Variants in PRKG1 observed in about 807,000 individuals in gnomAD.
PRKG1 encodes cGMP-dependent protein kinase 1.
In PRKG1, 35 loss-of-function variants were observed where a neutral mutation model predicts 88.1. The observed-to-expected ratio is 0.40, with a 90% CI of 0.30 to 0.53. PRKG1 has a LOEUF of 0.53. Ranked by LOEUF, PRKG1 falls within the 20% of genes least tolerant of loss-of-function variation. The probability of loss-of-function intolerance (pLI) is 0.59; values close to 1 mark genes in which losing one functional copy is unlikely to be tolerated. For missense variants in PRKG1, 540 were observed against 839.8 expected (o/e 0.64, Z 4.41); for synonymous variants, 303 against 292.5 (o/e 1.04, Z -0.37).
At chr10:51,657,677 A>G (rs1279177665) in intron 3 of PRKG1, among the ~76,000 whole-genome samples, 2 of 152,096 alleles carry the variant, frequency 1.3e-5, no homozygotes, top group African/African-American at 2.4e-5. Flanking sequence ...GCATACCGTT[A>G]AGCAGTTTAT....
intron 2 of PRKG1, among the ~76,000 whole-genome samples, chr10:51,449,962 AAC>A (rs1839387562): frequency 1.3e-5 from 2 of 151,942 alleles, no homozygotes; most frequent in South Asian, 4.1e-4. Flanking sequence ...AAAATCTGGA[AAC>A]ACAGAAAAAG....
At chr10:52,111,860 C>G (rs1279839346) in intron 7 of PRKG1, among the ~76,000 whole-genome samples, 1 of 152,168 alleles carries the variant, frequency 6.6e-6, no homozygotes, top group East Asian at 1.9e-4. Flanking sequence ...TTCCTAAGTG[C>G]TCTTCCCATA....
At chr10:52,092,357 T>C (rs900296665) in intron 7 of PRKG1, among the ~76,000 whole-genome samples, 1 of 152,156 alleles carries the variant, frequency 6.6e-6, no homozygotes. Context: ...TAGGTTTCCG[T>C]GAGTACTAAA....
chr10:52,062,656 GT>G, intron 7 of PRKG1, 25 bp downstream of exon 7: 1 of 1,537,378 alleles, frequency 6.5e-7, no homozygotes, highest in Non-Finnish European at 8.9e-7. Flanking sequence ...TGTTATACAG[GT>G]TTTTGTTTGA....
chr10:52,168,145 A>G (rs1589667612), intron 9 of PRKG1, among the ~76,000 whole-genome samples: 1 of 152,226 alleles, frequency 6.6e-6, no homozygotes, highest in African/African-American at 2.4e-5. Flanking sequence ...AAAATAGATA[A>G]GTTTCTTGCC....
At chr10:51,933,295 G>GT (rs1227399559) in intron 5 of PRKG1, among the ~76,000 whole-genome samples, 4 of 152,036 alleles carry the variant, frequency 2.6e-5, no homozygotes, top group South Asian at 2.1e-4. Flanking sequence ...GAAATCCAGA[G>GT]TTTTTTTCAA....
intron 9 of PRKG1, among the ~76,000 whole-genome samples, chr10:52,199,088 C>T (rs11001160): frequency 0.1 from 1,513 of 14,450 alleles, 34 homozygotes; most frequent in East Asian, 0.41. Flanking sequence ...ACCATCCTTG[C>T]TCTTTCTTTT....
chr10:51,648,035 CACAT>C (rs543357148), intron 3 of PRKG1, among the ~76,000 whole-genome samples: 7 of 36,604 alleles, frequency 1.9e-4, no homozygotes, highest in African/African-American at 3.2e-4. Flanking sequence ...TTTCTGGTTA[CACAT>C]ACACACACAC....
intron 3 of PRKG1, among the ~76,000 whole-genome samples, chr10:51,790,338 G>C (rs1012517048): frequency 6.6e-6 from 1 of 152,012 alleles, no homozygotes; most frequent in Non-Finnish European, 1.5e-5. Flanking sequence ...TTATAAGATG[G>C]TAATACCATT....
chr10:51,617,033 G>T (rs1225234594), intron 3 of PRKG1, among the ~76,000 whole-genome samples: 2 of 152,114 alleles, frequency 1.3e-5, no homozygotes, highest in Non-Finnish European at 2.9e-5. Flanking sequence ...GGGAGTCTGT[G>T]GGACCCAGCA....
chr10:52,185,307 A>T (rs192030088), intron 9 of PRKG1, among the ~76,000 whole-genome samples: 1 of 152,360 alleles, frequency 6.6e-6, no homozygotes, highest in Non-Finnish European at 1.5e-5. Flanking sequence ...CAGGGCAGAC[A>T]TTAAACCTTA....
At chr10:52,171,786 ATTTTTTTTTTTTTT>A (rs545195374) in intron 9 of PRKG1, among the ~76,000 whole-genome samples, 1 of 93,860 alleles carries the variant, frequency 1.1e-5, no homozygotes, top group South Asian at 4.1e-4. Flanking sequence ...TTTTATCAAA[ATTTTTTTTTTTTTT>A]TTTTTTTTTT....
intron 5 of PRKG1, among the ~76,000 whole-genome samples, chr10:51,976,971 G>GT (rs751055642): frequency 3.3e-5 from 5 of 151,620 alleles, no homozygotes; most frequent in Admixed American, 1.3e-4. Flanking sequence ...ACAATGCTTT[G>GT]TTTTTTTACT....
intron 1 of PRKG1, among the ~76,000 whole-genome samples, chr10:50,997,575 A>G (rs756154927): frequency 1.2e-4 from 18 of 152,146 alleles, no homozygotes; most frequent in Non-Finnish European, 2.6e-4. Context: ...GTGATTTCAT[A>G]GTTGCTCAGG....
chr10:51,279,796 C>A (rs1014744625), intron 2 of PRKG1, among the ~76,000 whole-genome samples: 2 of 152,136 alleles, frequency 1.3e-5, no homozygotes, highest in African/African-American at 4.8e-5. Flanking sequence ...CTCCTGAATA[C>A]AGCACACTGA....
chr10:52,187,004 C>A (rs1444046947), intron 9 of PRKG1, among the ~76,000 whole-genome samples: 1 of 152,016 alleles, frequency 6.6e-6, no homozygotes. Context: ...TAGACTAAAA[C>A]CAAATTTTAT....
rs962953996 is a variant in PRKG1 at position 51,943,391 on chromosome 10, A to G, written c.762+35821A>G. ...GGTTTTCTAGATATACAATCATGTC[A>G]TCTGCAAACAGGGACAATTTGACTT... On this transcript the variant is annotated intron_variant, in intron 5 of 17. Coordinates refer to ENST00000373980, the MANE Select transcript of PRKG1 (RefSeq NM_006258.4). Among the ~76,000 whole-genome samples the G allele has an allele frequency of 1.2e-3, 179 of 152,114 alleles. 1 individual carries two copies. The highest frequency in any genetic ancestry group is 2.2e-3 in the Non-Finnish European group (151 of 68,020).
At chr10:51,787,249 T>G (rs1352950591) in intron 3 of PRKG1, among the ~76,000 whole-genome samples, 1 of 152,192 alleles carries the variant, frequency 6.6e-6, no homozygotes, top group East Asian at 1.9e-4. Flanking sequence ...AATTGTCAAA[T>G]TTTGTTCAAA....
intron 2 of PRKG1, among the ~76,000 whole-genome samples, chr10:51,325,964 A>G (rs573194136): frequency 4.1e-4 from 63 of 152,250 alleles, no homozygotes; most frequent in African/African-American, 1.4e-3. Flanking sequence ...AGAGAGGGAG[A>G]GGATACTGTT....
Sources: allele counts gnomAD v4.1 joint callset (sites outside exome capture counted in the v4.1 genomes callset), GRCh38; gene constraint gnomAD v4.1.1; transcripts MANE v1.5; gene names NCBI Gene and HGNC (gene_info 2026-07-23, HGNC 2026-07-21).